ZC3H12B: variants seen among roughly 807,000 people sequenced by gnomAD.
ZC3H12B encodes zinc finger CCCH-type containing 12B, also known as probable ribonuclease ZC3H12B.
ZC3H12B carries 7 observed loss-of-function variants against 43.9 expected under a neutral mutation model. That is an observed-to-expected ratio of 0.16 (90% CI 0.09 to 0.30). The LOEUF (loss-of-function observed/expected upper bound fraction) is 0.30, where lower values mean the gene tolerates loss of function less well. Among genes scored for constraint, ZC3H12B ranks in the 10% least tolerant of loss-of-function variants. ZC3H12B has a pLI of 1.00. For missense variants in ZC3H12B, 475 were observed against 670.2 expected, an observed-to-expected ratio of 0.71 and a Z score of 3.22; for synonymous variants, 222 against 241.7, an observed-to-expected ratio of 0.92 and a Z score of 0.76.
chrX:65,287,994 A>ACATATATATATATATATG, the ZC3H12B span, among the ~76,000 whole-genome samples: 1 of 107,502 alleles, frequency 9.3e-6, no homozygotes, highest in African/African-American at 3.4e-5. Context: ...ATATACATAT[A>ACATATATATATATATATG]TATATATATA....
At chrX:65,303,230 G>A in the ZC3H12B span, among the ~76,000 whole-genome samples, 1 of 110,866 alleles carries the variant, frequency 9.0e-6, no homozygotes, top group Non-Finnish European at 1.9e-5. Flanking sequence ...AGGACGGGAG[G>A]AAGGAGAGGA....
At chrX:65,168,159 A>G in the ZC3H12B span, among the ~76,000 whole-genome samples, 1 of 111,565 alleles carries the variant, frequency 9.0e-6, no homozygotes, top group African/African-American at 3.3e-5. Flanking sequence ...TTAGTATGAT[A>G]TTGGCTGTGG....
the ZC3H12B span, among the ~76,000 whole-genome samples, chrX:65,268,824 A>T: frequency 8.9e-6 from 1 of 112,221 alleles, no homozygotes; most frequent in Non-Finnish European, 1.9e-5. Flanking sequence ...TCACTAGGAT[A>T]TAATACAAGG....
At chrX:65,079,531 G>A in the ZC3H12B span, among the ~76,000 whole-genome samples, 1 of 112,448 alleles carries the variant, frequency 8.9e-6, no homozygotes, top group African/African-American at 3.2e-5. Context: ...TGGAGTGCAG[G>A]AAGAGACTCT....
At chrX:65,156,978 C>T in the ZC3H12B span, among the ~76,000 whole-genome samples, 3 of 110,702 alleles carry the variant, frequency 2.7e-5, no homozygotes, top group Non-Finnish European at 3.8e-5. Context: ...TTTCTTTCTT[C>T]CTTTAATTTT....
At chrX:65,270,560 T>C in the ZC3H12B span, among the ~76,000 whole-genome samples, 2 of 110,992 alleles carry the variant, frequency 1.8e-5, no homozygotes, top group African/African-American at 6.6e-5. Context: ...AAAGCTTCTG[T>C]GTAGTAAAGA....
exon 5 of ZC3H12B, chrX:65,502,759 G>C (rs780632228): frequency 8.3e-7 from 1 of 1,209,934 alleles, no homozygotes; most frequent in Non-Finnish European, 1.1e-6. Context: ...TCCATCCTGG[G>C]GCAACCCCCC....
At chrX:65,361,209 G>A in the ZC3H12B span, among the ~76,000 whole-genome samples, 1 of 111,932 alleles carries the variant, frequency 8.9e-6, no homozygotes, top group Non-Finnish European at 1.9e-5. Flanking sequence ...GATACATTTT[G>A]ACATTCTTGG....
the ZC3H12B span, among the ~76,000 whole-genome samples, chrX:65,071,384 A>C: frequency 1.9e-5 from 2 of 106,659 alleles, no homozygotes; most frequent in African/African-American, 3.4e-5. Context: ...TGAAAACACC[A>C]TACCATTGGG....
the ZC3H12B span, among the ~76,000 whole-genome samples, chrX:65,128,101 A>G: frequency 8.9e-6 from 1 of 112,050 alleles, no homozygotes; most frequent in African/African-American, 3.2e-5. Context: ...TCACAATGTC[A>G]GTCTCCACAT....
the ZC3H12B span, among the ~76,000 whole-genome samples, chrX:65,191,976 G>A: frequency 2.3e-4 from 25 of 107,894 alleles, no homozygotes; most frequent in East Asian, 1.7e-3. Flanking sequence ...CCTTGAATGC[G>A]TCCCAGAGAT....
intron 3 of ZC3H12B, among the ~76,000 whole-genome samples, chrX:65,401,259 T>C (rs1440451146): frequency 9.0e-6 from 1 of 111,507 alleles, no homozygotes; most frequent in Non-Finnish European, 1.9e-5. Context: ...AGAGCTTCTT[T>C]GGATGCTGGG....
the ZC3H12B span, among the ~76,000 whole-genome samples, chrX:65,173,160 G>T: frequency 1.8e-5 from 2 of 111,316 alleles, no homozygotes; most frequent in South Asian, 7.5e-4. Flanking sequence ...TGTATTCCTA[G>T]GTATTTGATT....
the ZC3H12B span, among the ~76,000 whole-genome samples, chrX:65,300,378 G>T: frequency 9.0e-6 from 1 of 111,510 alleles, no homozygotes; most frequent in Non-Finnish European, 1.9e-5. Context: ...GCTGGGTGAG[G>T]CCTCTCCTGG....
At chrX:65,400,380 G>T (rs1332188625) in intron 3 of ZC3H12B, among the ~76,000 whole-genome samples, 3 of 110,823 alleles carry the variant, frequency 2.7e-5, no homozygotes, top group African/African-American at 6.5e-5. Context: ...TCAGATCTAT[G>T]CCTCATCTGG....
At chrX:65,466,599 C>G (rs888756367) in intron 3 of ZC3H12B, among the ~76,000 whole-genome samples, 1 of 108,612 alleles carries the variant, frequency 9.2e-6, no homozygotes, top group Admixed American at 1.0e-4. Context: ...AGTGAGATTG[C>G]TGGATTGTAA....
upstream of ZC3H12B, among the ~76,000 whole-genome samples, chrX:65,485,988 T>C (rs2068119575): frequency 8.9e-6 from 1 of 112,257 alleles, no homozygotes; most frequent in African/African-American, 3.2e-5. Context: ...TGGTGCATAG[T>C]TGGCACTAAA....
At chrX:65,311,024 A>G in the ZC3H12B span, among the ~76,000 whole-genome samples, 2 of 112,467 alleles carry the variant, frequency 1.8e-5, no homozygotes, top group African/African-American at 6.5e-5. Context: ...TAAATGTTAG[A>G]CCTAAAACCG....
At chrX:65,257,467 G>A in the ZC3H12B span, among the ~76,000 whole-genome samples, 1 of 110,689 alleles carries the variant, frequency 9.0e-6, no homozygotes, top group Non-Finnish European at 1.9e-5. Context: ...TGGGGACCTG[G>A]GGGAGGGATA....
Sources: allele counts gnomAD v4.1 joint callset (sites outside exome capture counted in the v4.1 genomes callset), GRCh38; gene constraint gnomAD v4.1.1; transcripts MANE v1.5; gene names NCBI Gene and HGNC (gene_info 2026-07-23, HGNC 2026-07-21).